Variants in SLC35F3 observed in about 807,000 individuals in gnomAD.
The protein encoded by SLC35F3 is solute carrier family 35 member F3.
Under a neutral mutation model 49.9 loss-of-function variants are expected in SLC35F3, and 25 were observed. That is an observed-to-expected ratio of 0.50 (90% CI 0.37 to 0.70). SLC35F3 has a LOEUF of 0.70. Ranked by LOEUF, SLC35F3 falls within the 30% of genes least tolerant of loss-of-function variation. The probability of loss-of-function intolerance (pLI) is 0.00; values close to 1 mark genes in which losing one functional copy is unlikely to be tolerated. For synonymous variants in SLC35F3, 275 were observed against 265.4 expected (o/e 1.04, Z -0.35); for missense variants, 525 against 639.8 (o/e 0.82, Z 1.94).
At chr1:234,143,946 T>G (rs990290462) in intron 2 of SLC35F3, among the ~76,000 whole-genome samples, 4 of 152,052 alleles carry the variant, frequency 2.6e-5, no homozygotes, top group Non-Finnish European at 5.9e-5. Flanking sequence ...CAGGGTAACT[T>G]GAGCAGTGCC....
At chr1:234,110,882 T>C (rs970792005) in intron 2 of SLC35F3, among the ~76,000 whole-genome samples, 16 of 152,284 alleles carry the variant, frequency 1.1e-4, no homozygotes, top group African/African-American at 3.9e-4. Flanking sequence ...GGATGTCAAG[T>C]AAGTCTGTTA....
At chr1:233,914,476 C>G (rs1274628591) in intron 2 of SLC35F3, among the ~76,000 whole-genome samples, 5 of 152,202 alleles carry the variant, frequency 3.3e-5, no homozygotes, top group African/African-American at 1.2e-4. Flanking sequence ...CAGCCTTCTT[C>G]CTGCTAAGTG....
intron 2 of SLC35F3, among the ~76,000 whole-genome samples, chr1:234,207,070 A>AGTG (rs1451367986): frequency 1.3e-5 from 2 of 152,090 alleles, no homozygotes; most frequent in Non-Finnish European, 2.9e-5. Flanking sequence ...CACTCCACAG[A>AGTG]GGAATCTGAC....
intron 2 of SLC35F3, among the ~76,000 whole-genome samples, chr1:233,970,422 G>T (rs1302057286): frequency 2.6e-5 from 4 of 152,208 alleles, no homozygotes; most frequent in African/African-American, 9.7e-5. Context: ...GCTTAGAGTT[G>T]ATGCCAGACT....
At position 234,018,016 on chromosome 1, in the gene SLC35F3, G is replaced by A. The variant is rs531366887; in HGVS notation, c.283+112258G>A. On this transcript the variant is annotated intron_variant, in intron 2 of 7. Transcript: ENST00000366618. Reference sequence around the variant, plus strand: ...AAAAAACTCCACAAAAATGAAAATCGTGACACTCAGTAGATCTAGAAAAGG... The same window carrying A: ...AAAAAACTCCACAAAAATGAAAATCATGACACTCAGTAGATCTAGAAAAGG... Among the ~76,000 whole-genome samples, 3 of 151,848 alleles carry A rather than the reference G, an allele frequency of 2.0e-5. No individual in the cohort carries two copies. In the South Asian group the frequency reaches 6.2e-4, roughly 32 times the overall value.
Position 234,309,236 on chromosome 1 carries a change from T to A in SLC35F3, c.744T>A (p.Asp248Glu), listed in dbSNP as rs1318804879. ...CAATAAAGAAAATAAACACTACGGA[T>A]GTCTCCGTGTTGTTCTGCTGCAACA... ...LHAIKKINTTDVSVLFCCNKA... is the reference protein window; with the variant it reads ...LHAIKKINTTEVSVLFCCNKA... Residue 248 changes from aspartate (D) to glutamate (E), a missense_variant, in exon 4 of 8, where the codon GAT becomes GAA. Physicochemically the swap from Asp to Glu is conservative, Grantham distance 45. This residue lies in a region of SLC35F3 where 216 missense variants were observed against 298.1 expected (regional missense o/e 0.72). Transcript: ENST00000366618. 6.2e-7 allele frequency: 1 copy of A among 1,614,050 alleles called. No individual in the cohort carries two copies. Among genetic ancestry groups the A allele is most frequent in the East Asian group, 2.2e-5 (1 of 44,896 alleles).
chr1:233,905,185 C>G, intron 1 of SLC35F3, 55 bp downstream of exon 1: 1 of 1,536,402 alleles, frequency 6.5e-7, no homozygotes, highest in Non-Finnish European at 8.8e-7. Context: ...GGCCGGAGCG[C>G]CGGGGTAGCC....
intron 2 of SLC35F3, among the ~76,000 whole-genome samples, chr1:234,127,187 C>T (rs1455000056): frequency 6.6e-6 from 1 of 152,208 alleles, no homozygotes; most frequent in East Asian, 1.9e-4. Context: ...ATTGAATACT[C>T]AATGCCCCTG....
chr1:234,230,120 G>C (rs1381694247), intron 2 of SLC35F3, among the ~76,000 whole-genome samples: 2 of 152,182 alleles, frequency 1.3e-5, no homozygotes, highest in Non-Finnish European at 2.9e-5. Flanking sequence ...AATAGAGATG[G>C]TGTGAAACAG....
chr1:234,026,212 G>A (rs1455547667), intron 2 of SLC35F3, among the ~76,000 whole-genome samples: 1 of 152,164 alleles, frequency 6.6e-6, no homozygotes, highest in Non-Finnish European at 1.5e-5. Flanking sequence ...CTATAGTATA[G>A]TTTTAAGTAG....
intron 2 of SLC35F3, among the ~76,000 whole-genome samples, chr1:233,907,561 G>T (rs79323555): frequency 2.0e-5 from 3 of 152,314 alleles, no homozygotes; most frequent in South Asian, 2.1e-4. Flanking sequence ...CTCTATTCCT[G>T]TGAGGATTCT....
At chr1:234,160,396 T>C (rs1666208724) in intron 2 of SLC35F3, among the ~76,000 whole-genome samples, 1 of 152,178 alleles carries the variant, frequency 6.6e-6, no homozygotes, top group Admixed American at 6.5e-5. Context: ...TCTTTTGCTA[T>C]AGGAGCAACA....
At chr1:233,996,396 C>A (rs114204245) in intron 2 of SLC35F3, among the ~76,000 whole-genome samples, 2,074 of 152,224 alleles carry the variant, frequency 0.014, 41 homozygotes, top group African/African-American at 0.047. Flanking sequence ...GATCTTGGAA[C>A]CAATCCCTCA....
chr1:233,990,386 G>A (rs1663333503), intron 2 of SLC35F3, among the ~76,000 whole-genome samples: 1 of 152,134 alleles, frequency 6.6e-6, no homozygotes, highest in South Asian at 2.1e-4. Context: ...TTACTTATTA[G>A]CAATGTGAAC....
chr1:234,202,364 A>C (rs1666911858), intron 2 of SLC35F3, among the ~76,000 whole-genome samples: 1 of 152,232 alleles, frequency 6.6e-6, no homozygotes. Flanking sequence ...GTTGAGAGAC[A>C]AGGGGGAAGT....
intron 3 of SLC35F3, among the ~76,000 whole-genome samples, chr1:234,275,435 C>T (rs981417258): frequency 1.3e-5 from 2 of 152,072 alleles, no homozygotes; most frequent in African/African-American, 4.8e-5. Flanking sequence ...CAATTTCATT[C>T]CCCTGAATTC....
At chr1:234,288,074 C>G (rs1219110228) in intron 3 of SLC35F3, among the ~76,000 whole-genome samples, 1 of 151,954 alleles carries the variant, frequency 6.6e-6, no homozygotes, top group Non-Finnish European at 1.5e-5. Flanking sequence ...TTTGTGGAGA[C>G]TGGGGTCTCG....
intron 4 of SLC35F3, among the ~76,000 whole-genome samples, chr1:234,312,846 T>C (rs970505150): frequency 6.9e-6 from 1 of 144,032 alleles, no homozygotes; most frequent in African/African-American, 2.7e-5. Context: ...TTGTTTGTTT[T>C]TTTTAGGTTT....
chr1:233,916,261 A>C (rs1661967660), intron 2 of SLC35F3, among the ~76,000 whole-genome samples: 1 of 152,162 alleles, frequency 6.6e-6, no homozygotes. Flanking sequence ...TATTTCATTT[A>C]CTTATTTATT....
Sources: allele counts gnomAD v4.1 joint callset (sites outside exome capture counted in the v4.1 genomes callset), GRCh38; gene constraint gnomAD v4.1.1; regional missense constraint gnomAD v4.1.1; transcripts MANE v1.5; gene names NCBI Gene and HGNC (gene_info 2026-07-23, HGNC 2026-07-21).